ASAH1: variants seen among roughly 807,000 people sequenced by gnomAD.
The protein encoded by ASAH1 is acid ceramidase.
In ASAH1, 70 loss-of-function variants were observed where a neutral mutation model predicts 59.5. That is an observed-to-expected ratio of 1.18 (90% CI 0.97 to 1.43). The LOEUF is 1.43. Ranked by LOEUF, ASAH1 falls within the 40% of genes most tolerant of loss-of-function variation. The pLI is 0.00. For synonymous variants in ASAH1, 213 were observed against 166.5 expected, an observed-to-expected ratio of 1.28 and a Z score of -2.15; for missense variants, 660 against 482.5, an observed-to-expected ratio of 1.37 and a Z score of -3.45.
chr8:18,077,641 G>A (rs1800467008), intron 1 of ASAH1, among the ~76,000 whole-genome samples: 1 of 152,114 alleles, frequency 6.6e-6, no homozygotes, highest in Non-Finnish European at 1.5e-5. Flanking sequence ...CAAAGTCCAG[G>A]ACAAGGGTTC....
chr8:18,076,023 C>G (rs1800388582), intron 1 of ASAH1: 1 of 238,046 alleles, frequency 4.2e-6, no homozygotes, highest in Non-Finnish European at 8.4e-6. Context: ...GCACAGGGCC[C>G]TTCATCATCT....
upstream of ASAH1, chr8:18,084,318 G>T: frequency 1.4e-6 from 2 of 1,425,518 alleles, no homozygotes; most frequent in South Asian, 3.0e-5. Context: ...CGCCTTTGGC[G>T]CGTGGCGTGA....
At chr8:18,062,882 T>C in intron 7 of ASAH1, 1 of 333,364 alleles carries the variant, frequency 3.0e-6, no homozygotes, top group South Asian at 3.3e-5. Context: ...TTTTTTTTTT[T>C]TTTTTTGAGA....
At chr8:18,079,256 G>C (rs747364974) in intron 1 of ASAH1, among the ~76,000 whole-genome samples, 23 of 135,194 alleles carry the variant, frequency 1.7e-4, no homozygotes, top group Non-Finnish European at 2.0e-4. Flanking sequence ...CTGGGAGACA[G>C]AGCAAGACTC....
intron 11 of ASAH1, 53 bp from the exon 12 acceptor site, chr8:18,059,517 G>A: frequency 6.2e-7 from 1 of 1,614,134 alleles, no homozygotes. Flanking sequence ...AAAACTCAAA[G>A]TATATCAGTG....
intron 7 of ASAH1, chr8:18,062,678 T>C (rs1019842179): frequency 1.6e-5 from 8 of 500,448 alleles, no homozygotes; most frequent in African/African-American, 1.2e-4. Flanking sequence ...AGAATGCTAA[T>C]TACAATATTC....
intron 4 of ASAH1, chr8:18,068,537 C>T (rs1010931695): frequency 6.6e-6 from 1 of 152,116 alleles, no homozygotes. Context: ...AGGATGTGGC[C>T]ACAGCACTCA....
intron 9 of ASAH1, 34 bp from the exon 10 acceptor site, chr8:18,061,492 A>G (rs2117025433): frequency 6.4e-7 from 1 of 1,569,426 alleles, no homozygotes; most frequent in East Asian, 2.2e-5. Context: ...AGGAACCGGA[A>G]GAGGTGACAC....
intron 1 of ASAH1, among the ~76,000 whole-genome samples, chr8:18,077,215 T>C (rs528324235): frequency 7.9e-4 from 120 of 152,350 alleles, no homozygotes; most frequent in African/African-American, 2.8e-3. Flanking sequence ...ATGGTTTATA[T>C]TGCCGGTTCA....
At chr8:18,078,572 C>T (rs1030703318) in intron 1 of ASAH1, among the ~76,000 whole-genome samples, 11 of 152,060 alleles carry the variant, frequency 7.2e-5, no homozygotes, top group Non-Finnish European at 1.3e-4. Flanking sequence ...GAGCTACTTC[C>T]TCCCCCTCAA....
In ASAH1 at chr8:18,056,879, T is replaced by C. The variant is rs570505557; in HGVS notation, c.*655A>G. The C allele has an allele frequency of 6.6e-6, 1 of 152,346 alleles. No individual in the cohort carries two copies. The highest frequency in any genetic ancestry group is 2.1e-4 in the South Asian group (1 of 4,836). The allele number at this position is 152,346 out of a possible 1,614,324, so 9.4% of individuals were successfully genotyped here. On this transcript the variant is annotated 3_prime_UTR_variant, in exon 14 of 14. Transcript: ENST00000637790. ...TATGAAAAAGGGAACACTTCAATTA[T>C]TGTATAAAAGATTGCTTTGCATACT...
intron 2 of ASAH1, among the ~76,000 whole-genome samples, chr8:18,073,694 A>C (rs1800270282): frequency 6.6e-6 from 1 of 152,204 alleles, no homozygotes; most frequent in Non-Finnish European, 1.5e-5. Flanking sequence ...GATGCTGCCC[A>C]AATCTACGCA....
At chr8:18,059,180 T>G in intron 12 of ASAH1, 161 bp downstream of exon 12, 1 of 1,169,162 alleles carries the variant, frequency 8.6e-7, no homozygotes, top group Non-Finnish European at 1.2e-6. Flanking sequence ...ATTTTGCTCT[T>G]TAAGTTAAGA....
At chr8:18,078,376 C>T (rs933431965) in intron 1 of ASAH1, among the ~76,000 whole-genome samples, 1 of 152,062 alleles carries the variant, frequency 6.6e-6, no homozygotes, top group East Asian at 1.9e-4. Context: ...AGGTTGATAA[C>T]GACTCTTGGT....
At chr8:18,084,214 G>A (rs183943720), upstream of ASAH1, 3 of 1,509,594 alleles carry the variant, frequency 2.0e-6, no homozygotes, top group Non-Finnish European at 2.6e-6. Context: ...GGCGGGACTG[G>A]GAGGAGAGGA....
intron 5 of ASAH1, 67 bp downstream of exon 5, chr8:18,067,153 C>T (rs1020674421): frequency 7.6e-6 from 11 of 1,438,956 alleles, no homozygotes; most frequent in Admixed American, 1.8e-5. Flanking sequence ...ATGTATATCA[C>T]ACCTCAATGG....
rs775976889 is a variant in ASAH1 at position 18,061,428 on chromosome 8, T to G, written c.734A>C (p.Asp245Ala). ...AGTGAGGAACCCTATCCACATGACA[T>G]CTTTCTTTCCCAGAATCCATTCTAG... Reference protein sequence around the residue: ...GILEWILGKKDVMWIGFLTRT... With the variant: ...GILEWILGKKAVMWIGFLTRT... Residue 245 changes from aspartate (D) to alanine (A), a missense_variant, in exon 10 of 14, where the codon GAT becomes GCT. Coordinates refer to ENST00000637790, the MANE Select transcript of ASAH1 (RefSeq NM_177924.5). 1 of 1,613,052 alleles carries G rather than the reference T, an allele frequency of 6.2e-7. No individual in the cohort carries two copies. The highest frequency in any genetic ancestry group is 2.2e-5 in the East Asian group (1 of 44,880).
chr8:18,065,070 G>A (rs1436485461), intron 5 of ASAH1: 4 of 152,094 alleles, frequency 2.6e-5, no homozygotes, highest in Admixed American at 2.0e-4. Flanking sequence ...GCAGCACATT[G>A]TATTTCTGTC....
At chr8:18,061,839 T>A in intron 8 of ASAH1, 99 bp from the exon 9 acceptor site, 1 of 1,121,470 alleles carries the variant, frequency 8.9e-7, no homozygotes, top group South Asian at 1.3e-5. Context: ...AGGCCTAGCT[T>A]GGGTAATGGG....
Sources: allele counts gnomAD v4.1 joint callset (sites outside exome capture counted in the v4.1 genomes callset), GRCh38; gene constraint gnomAD v4.1.1; transcripts MANE v1.5; gene names NCBI Gene and HGNC (gene_info 2026-07-23, HGNC 2026-07-21).